The following USP22 variants were observed in gnomAD, a reference collection of about 807,000 sequenced individuals.
The protein encoded by USP22 is ubiquitin specific peptidase 22.
USP22 carries 22 observed loss-of-function variants against 68.1 expected under a neutral mutation model. The ratio of observed to expected loss-of-function variants is 0.32; its 90% CI spans 0.23 to 0.46. USP22 has a LOEUF of 0.46. Among genes scored for constraint, USP22 ranks in the 20% least tolerant of loss-of-function variants. The pLI, the probability that USP22 is intolerant of heterozygous loss-of-function variation, is 1.00. For synonymous variants in USP22, 279 were observed against 274.2 expected (o/e 1.02, Z -0.17); for missense variants, 433 against 695.8 (o/e 0.62, Z 4.25).
At chr17:21,043,156 G>A (rs1972470075), upstream of USP22, 1 of 113,356 alleles carries the variant, frequency 8.8e-6, no homozygotes, top group African/African-American at 4.2e-5. Flanking sequence ...GCACCGCACT[G>A]CGCAGTCTCC....
intron 4 of USP22, 197 bp from the exon 5 acceptor site, chr17:21,018,308 A>AT: frequency 2.0e-6 from 1 of 501,522 alleles, no homozygotes. Flanking sequence ...GTCCACCACC[A>AT]TGGACCCCTC....
chr17:21,011,436 G>C, intron 7 of USP22, 127 bp from the exon 8 acceptor site: 1 of 1,238,150 alleles, frequency 8.1e-7, no homozygotes, highest in Non-Finnish European at 1.1e-6. Context: ...CACTCAGGTG[G>C]GATGGGGCAG....
chr17:21,013,851 G>C (rs1231683916), intron 6 of USP22, among the ~76,000 whole-genome samples: 1 of 152,218 alleles, frequency 6.6e-6, no homozygotes, highest in African/African-American at 2.4e-5. Flanking sequence ...AAGGCGGGCG[G>C]ATCACGAGGT....
intron 11 of USP22, 101 bp from the exon 12 acceptor site, chr17:21,004,452 G>A (rs1424124902): frequency 2.4e-5 from 35 of 1,430,316 alleles, no homozygotes; most frequent in East Asian, 4.7e-5. Flanking sequence ...GGAGCGGGAG[G>A]CCTGTGGGCC....
intron 2 of USP22, among the ~76,000 whole-genome samples, chr17:21,022,826 G>C (rs1373139981): frequency 2.0e-5 from 3 of 149,830 alleles, no homozygotes; most frequent in African/African-American, 7.3e-5. Flanking sequence ...AAATGAACCA[G>C]GATTACCTAC....
At chr17:21,007,341 T>C (rs931666344) in intron 9 of USP22, among the ~76,000 whole-genome samples, 10 of 152,182 alleles carry the variant, frequency 6.6e-5, no homozygotes, top group Non-Finnish European at 1.5e-4. Flanking sequence ...AGACAGTCCT[T>C]TGCCTAGATC....
intron 1 of USP22, chr17:21,042,345 A>C: frequency 8.0e-6 from 1 of 125,086 alleles, no homozygotes; most frequent in Non-Finnish European, 1.5e-5. Context: ...AGGGAGGGGG[A>C]GGGCGGAGAG....
rs1043024074 is a variant in USP22 at position 21,011,316 on chromosome 17, G to A, written c.945-7C>T. On this transcript the variant is annotated splice_region_variant and splice_polypyrimidine_tract_variant and intron_variant, in intron 7 of 12. Transcript: ENST00000261497. Reference sequence around the variant, plus strand: ...GATGGTGGTGGAGACTCCACTGGAAGCAGAGGGAAAACAATGGCTGTGAGG... The same window carrying A: ...GATGGTGGTGGAGACTCCACTGGAAACAGAGGGAAAACAATGGCTGTGAGG... 1 of 1,553,546 alleles carries A rather than the reference G, an allele frequency of 6.4e-7. No homozygotes were observed. The highest frequency in any genetic ancestry group is 1.4e-5 in the African/African-American group (1 of 73,152).
At chr17:21,012,770 G>A in intron 7 of USP22, 60 bp downstream of exon 7, 2 of 1,455,392 alleles carry the variant, frequency 1.4e-6, no homozygotes, top group Non-Finnish European at 1.9e-6. Flanking sequence ...TGGAGACTGG[G>A]AGGATGTCAG....
intron 1 of USP22, among the ~76,000 whole-genome samples, chr17:21,031,961 T>G (rs1050275418): frequency 6.6e-6 from 1 of 152,230 alleles, no homozygotes; most frequent in Non-Finnish European, 1.5e-5. Flanking sequence ...TCTGACATAC[T>G]GATAAAACCT....
At chr17:21,013,459 C>T (rs1310148458) in intron 6 of USP22, among the ~76,000 whole-genome samples, 1 of 152,220 alleles carries the variant, frequency 6.6e-6, no homozygotes, top group Non-Finnish European at 1.5e-5. Flanking sequence ...GCCACTCCCA[C>T]CCTCTCTATT....
chr17:21,022,234 T>A (rs762890893), intron 2 of USP22, among the ~76,000 whole-genome samples: 2 of 152,182 alleles, frequency 1.3e-5, no homozygotes, highest in African/African-American at 4.8e-5. Context: ...GTCGTTTCCT[T>A]TGGGGAGAAG....
Position 21,042,825 on chromosome 17 carries a change from C to T in USP22, c.11G>A (p.Arg4Gln). Residue 4 changes from arginine to glutamine, a missense_variant, in exon 1 of 13, where the codon CGG (arginine) becomes CAG (glutamine). By Grantham distance (43) the Arg-to-Gln change is conservative. Transcript: ENST00000261497. MVS[R>Q]PEPEGEAMDA... ...CATGGCCTCGCCCTCGGGCTCTGGC[C>T]GGGACACCATGGGGGGCAAGGCCCG... is the stretch of plus-strand genomic sequence containing the variant. The T allele has an allele frequency of 7.1e-7, 1 of 1,398,870 alleles. No homozygotes were observed. Among genetic ancestry groups the T allele is most frequent in the Non-Finnish European group, 9.3e-7 (1 of 1,070,800 alleles). 86.7% of individuals were successfully genotyped at this position (1,398,870 alleles called of 1,614,324 possible).
chr17:21,042,666 T>G lies in USP22; in HGVS notation c.170A>C (p.Lys57Thr). 7.8e-7 allele frequency: 1 copy of G among 1,277,114 alleles called. No individual in the cohort carries two copies. The highest frequency in any genetic ancestry group is 9.9e-7 in the Non-Finnish European group (1 of 1,006,534). The allele number at this position is 1,277,114 out of a possible 1,614,324, so 79.1% of individuals were successfully genotyped here. A position where few individuals can be genotyped will look rare whatever the true frequency, so the allele number is the denominator to read the frequency against. ...CGCGCGGTGGGCTGCCGGGCGCACC[T>G]TGCGCTTGCGGGCCTCAGCCGTGCC... ...WSGTAEARKR[K>T]AKSCICHVCG... Residue 57 changes from lysine to threonine, a missense_variant and splice_region_variant, in exon 1 of 13, where the codon AAG becomes ACG. Lys to Thr is a moderately conservative substitution (Grantham distance 78). Around this residue, in one of 4 missense-constraint regions of USP22, gnomAD observed 110 missense variants for 89.9 expected, o/e 1.22. Coordinates refer to ENST00000261497, the MANE Select transcript of USP22 (RefSeq NM_015276.2).
chr17:21,035,374 C>T (rs1044053658), intron 1 of USP22, among the ~76,000 whole-genome samples: 4 of 152,276 alleles, frequency 2.6e-5, no homozygotes, highest in African/African-American at 7.2e-5. Context: ...ATCCATTAGG[C>T]GGGTCATTTT....
At chr17:21,036,509 A>G (rs1268397616) in intron 1 of USP22, among the ~76,000 whole-genome samples, 5 of 101,036 alleles carry the variant, frequency 4.9e-5, no homozygotes, top group African/African-American at 8.0e-5. Flanking sequence ...GTAACTGAGC[A>G]CTGTACTGTA....
At chr17:21,004,415 C>T in intron 11 of USP22, 64 bp from the exon 12 acceptor site, 1 of 1,586,654 alleles carries the variant, frequency 6.3e-7, no homozygotes, top group Admixed American at 1.7e-5. Flanking sequence ...GAGGTCATCA[C>T]CATCAGAAAC....
chr17:21,028,739 G>A, intron 1 of USP22, 65 bp from the exon 2 acceptor site: 1 of 1,561,702 alleles, frequency 6.4e-7, no homozygotes, highest in East Asian at 2.3e-5. Flanking sequence ...AGAGGAAACA[G>A]TCAAGCAAAG....
chr17:21,042,071 G>C (rs1262952045), intron 1 of USP22: 1 of 152,428 alleles, frequency 6.6e-6, no homozygotes, highest in African/African-American at 2.4e-5. Flanking sequence ...TCCCGTCCAA[G>C]GTCGCTCCTG....
Sources: gnomAD v4.1 joint callset for allele counts (sites outside exome capture counted in the v4.1 genomes callset) on GRCh38, gnomAD v4.1.1 for gene constraint, gnomAD v4.1.1 regional missense constraint, MANE v1.5 for transcripts, NCBI Gene and HGNC (gene_info 2026-07-23, HGNC 2026-07-21) for gene names.